Variants in FAM227B observed in about 807,000 individuals in gnomAD.
The protein encoded by FAM227B is protein FAM227B.
A neutral mutation model predicts 73.8 loss-of-function variants in FAM227B; 88 were observed. That is an observed-to-expected ratio of 1.19 (90% CI 1.00 to 1.42). FAM227B has a LOEUF of 1.42. FAM227B is among the 40% of genes most tolerant of loss of function. The pLI, the probability that FAM227B is intolerant of heterozygous loss-of-function variation, is 0.00. For synonymous variants in FAM227B, 210 were observed against 190.5 expected, an observed-to-expected ratio of 1.10 and a Z score of -0.84; for missense variants, 632 against 590.9, an observed-to-expected ratio of 1.07 and a Z score of -0.72.
rs767327151 is a variant in FAM227B, at chr15:49,331,813, C to T, written c.1386G>A (p.Val462=). 3.1e-6 allele frequency: 5 copies of T among 1,611,584 alleles called. No individual in the cohort carries two copies. The highest frequency in any genetic ancestry group is 4.2e-6 in the Non-Finnish European group (5 of 1,177,920). ...QAKATKKPHE[V]KQDFEKFLHK... ...GTAGGAACTTCTCAAAGTCCTGTTT[C>T]ACTTCATGAGGTTTCTTGGTAGCCT... Residue 462 remains valine (V), a synonymous_variant, in exon 15 of 16, where the codon GTG becomes GTA. Transcript: ENST00000299338.
chr15:49,591,199 C>T (rs1220206533), intron 3 of FAM227B, among the ~76,000 whole-genome samples: 3 of 151,442 alleles, frequency 2.0e-5, no homozygotes, highest in South Asian at 4.2e-4. Context: ...CACAGCCTCC[C>T]GAGTAGTTGG....
At chr15:49,500,851 C>G (rs2058077559) in intron 11 of FAM227B, among the ~76,000 whole-genome samples, 2 of 152,124 alleles carry the variant, frequency 1.3e-5, no homozygotes, top group African/African-American at 4.8e-5. Flanking sequence ...TGAGCTCTTG[C>G]TCTGAGTTCA....
At chr15:49,346,753 A>G (rs2041567832) in intron 13 of FAM227B, among the ~76,000 whole-genome samples, 1 of 152,182 alleles carries the variant, frequency 6.6e-6, no homozygotes, top group South Asian at 2.1e-4. Flanking sequence ...TATAACAAGT[A>G]AAAGGAAGCT....
At chr15:49,338,343 A>T (rs1006938634) in intron 13 of FAM227B, among the ~76,000 whole-genome samples, 1 of 152,098 alleles carries the variant, frequency 6.6e-6, no homozygotes, top group East Asian at 1.9e-4. Flanking sequence ...ATCTCTCAGC[A>T]TTTCCTTGTC....
Position 49,328,018 on chromosome 15 carries a change from A to G in FAM227B, c.*550T>C. ...GGGGAGGCTGCACAGTATCAATGGT[A>G]CCTGCGGACAAGCTGCCCAGCTTTC... On this transcript the variant is annotated 3_prime_UTR_variant, in exon 16 of 16. Coordinates refer to ENST00000299338, the MANE Select transcript of FAM227B (RefSeq NM_152647.3). 2.5e-6 allele frequency: 4 copies of G among 1,613,944 alleles called. No individual in the cohort carries two copies. Among genetic ancestry groups the G allele is most frequent in the Non-Finnish European group, 3.4e-6 (4 of 1,179,846 alleles).
chr15:49,579,153 A>G, intron 5 of FAM227B, among the ~76,000 whole-genome samples: 1 of 152,186 alleles, frequency 6.6e-6, no homozygotes, highest in East Asian at 1.9e-4. Flanking sequence ...AAAGACAACA[A>G]ATGCTAGTAA....
At chr15:49,528,302 A>C (rs10467920) in intron 10 of FAM227B, among the ~76,000 whole-genome samples, 47,966 of 151,750 alleles carry the variant, frequency 0.32, 8,153 homozygotes, top group African/African-American at 0.42. Context: ...CCATATGCAG[A>C]AAACGAAACT....
At chr15:49,414,747 T>A (rs917153420) in intron 11 of FAM227B, among the ~76,000 whole-genome samples, 2 of 152,002 alleles carry the variant, frequency 1.3e-5, no homozygotes, top group African/African-American at 4.8e-5. Context: ...AAGAAACAGG[T>A]GTAGAAGAAG....
At chr15:49,614,457 T>C (rs1291717314) in intron 2 of FAM227B, among the ~76,000 whole-genome samples, 3 of 152,216 alleles carry the variant, frequency 2.0e-5, no homozygotes, top group Non-Finnish European at 4.4e-5. Flanking sequence ...ATCAGAGCAT[T>C]AAACCAAATG....
Position 49,575,091 on chromosome 15 carries a change from A to G in FAM227B, c.565T>C (p.Trp189Arg). The G allele has an allele frequency of 6.3e-7, 1 of 1,596,122 alleles. No individual in the cohort carries two copies. Among genetic ancestry groups the G allele is most frequent in the South Asian group, 1.1e-5 (1 of 88,260 alleles). ...HNFDERVFKI[W>R]KTHFLSEASI... ...GCTTCTGAGAGAAAATGAGTCTTCCAGATTTTAAAAACTCTTTCCTATGGA... is the reference window on the plus strand; with the variant it reads ...GCTTCTGAGAGAAAATGAGTCTTCCGGATTTTAAAAACTCTTTCCTATGGA... The change falls in exon 8 of 16, where the codon TGG becomes CGG. Residue 189 changes from tryptophan (W) to arginine (R), a missense_variant. Transcript: ENST00000299338.
intron 11 of FAM227B, among the ~76,000 whole-genome samples, chr15:49,431,334 T>C (rs953133243): frequency 1.0e-3 from 157 of 151,836 alleles, no homozygotes; most frequent in African/African-American, 3.7e-3. Context: ...AGATTATATC[T>C]GGACATATCT....
At chr15:49,481,416 A>C (rs1371944774) in intron 11 of FAM227B, among the ~76,000 whole-genome samples, 1 of 152,226 alleles carries the variant, frequency 6.6e-6, no homozygotes. Context: ...CCTTTACTGC[A>C]ATGAAGTTGT....
At chr15:49,492,196 A>G (rs1042049955) in intron 11 of FAM227B, among the ~76,000 whole-genome samples, 2 of 151,930 alleles carry the variant, frequency 1.3e-5, no homozygotes, top group Non-Finnish European at 2.9e-5. Context: ...ACAGGTTTGA[A>G]AGCACAAGAT....
chr15:49,491,580 A>G (rs1035867488), intron 11 of FAM227B, among the ~76,000 whole-genome samples: 1 of 151,756 alleles, frequency 6.6e-6, no homozygotes, highest in African/African-American at 2.4e-5. Context: ...ATCAATCCAT[A>G]CCCTGCTCTG....
chr15:49,426,298 C>T (rs1452417990), intron 11 of FAM227B, among the ~76,000 whole-genome samples: 2 of 151,658 alleles, frequency 1.3e-5, no homozygotes, highest in Non-Finnish European at 1.5e-5. Context: ...ACCTAAATAC[C>T]CATTGTATAA....
At chr15:49,598,252 T>A (rs1345665416) in intron 3 of FAM227B, among the ~76,000 whole-genome samples, 2 of 152,040 alleles carry the variant, frequency 1.3e-5, no homozygotes, top group Non-Finnish European at 2.9e-5. Flanking sequence ...GTTTTCTTGA[T>A]TTCTTTAATA....
At chr15:49,363,887 T>C (rs2044678909) in intron 13 of FAM227B, among the ~76,000 whole-genome samples, 1 of 152,146 alleles carries the variant, frequency 6.6e-6, no homozygotes, top group African/African-American at 2.4e-5. Context: ...TGGGTCTGTT[T>C]TTAGTTCTGT....
intron 11 of FAM227B, among the ~76,000 whole-genome samples, chr15:49,410,241 C>T (rs1451878094): frequency 1.3e-5 from 2 of 152,104 alleles, no homozygotes; most frequent in Non-Finnish European, 2.9e-5. Context: ...AAATAACTTG[C>T]CTATGTCACA....
chr15:49,600,349 T>C (rs2077112150), intron 3 of FAM227B, among the ~76,000 whole-genome samples: 1 of 150,020 alleles, frequency 6.7e-6, no homozygotes, highest in Non-Finnish European at 1.5e-5. Context: ...TTTCTTTCTT[T>C]CTTTTTTTTT....
Sources: gnomAD v4.1 joint callset for allele counts (sites outside exome capture counted in the v4.1 genomes callset) on GRCh38, gnomAD v4.1.1 for gene constraint, MANE v1.5 for transcripts, NCBI Gene and HGNC (gene_info 2026-07-23, HGNC 2026-07-21) for gene names.